KCNQ2: variants seen among roughly 807,000 people sequenced by gnomAD.
KCNQ2 encodes potassium voltage-gated channel subfamily KQT member 2.
Under a neutral mutation model 84.8 loss-of-function variants are expected in KCNQ2, and 14 were observed. The observed-to-expected ratio is 0.17, with a 90% CI of 0.11 to 0.26. The LOEUF (loss-of-function observed/expected upper bound fraction) is 0.26. Among genes scored for constraint, KCNQ2 ranks in the 10% least tolerant of loss-of-function variants. KCNQ2 has a pLI of 1.00. For missense variants in KCNQ2, 788 were observed against 1,254.0 expected, an observed-to-expected ratio of 0.63 and a Z score of 5.61; for synonymous variants, 599 against 554.1, an observed-to-expected ratio of 1.08 and a Z score of -1.14.
At chr20:63,458,824 G>A (rs569627503) in intron 1 of KCNQ2, among the ~76,000 whole-genome samples, 8 of 152,358 alleles carry the variant, frequency 5.3e-5, no homozygotes, top group Admixed American at 2.6e-4. Context: ...ACACTCAGGC[G>A]TCACTGCACC....
At chr20:63,462,159 C>A (rs1600852760) in intron 1 of KCNQ2, among the ~76,000 whole-genome samples, 1 of 133,040 alleles carries the variant, frequency 7.5e-6, no homozygotes, top group African/African-American at 2.9e-5. Context: ...AGGGAGGAGG[C>A]TGCACCTACC....
In KCNQ2 at chr20:63,414,821, C is replaced by A; in HGVS notation, c.1525+82G>T. The A allele has an allele frequency of 7.2e-7, 1 of 1,385,998 alleles. No homozygotes were observed. Among genetic ancestry groups the A allele is most frequent in the Non-Finnish European group, 1.0e-6 (1 of 977,710 alleles). The allele number at this position is 1,385,998 out of a possible 1,614,324, so 85.9% of individuals were successfully genotyped here. On this transcript the variant is annotated intron_variant, in intron 13 of 16. Transcript: ENST00000359125. This position sits in a 1 kb window ranked among gnomAD's most constrained non-coding sequence, Gnocchi z 6.6. ...CAAGAGCAAGCAAAAGCAGCTGCGACGCCACAGGGTGGCCACAGTAGCGTG... is the reference window on the plus strand; with the variant it reads ...CAAGAGCAAGCAAAAGCAGCTGCGAAGCCACAGGGTGGCCACAGTAGCGTG...
At chr20:63,436,164 C>T (rs369099646) in intron 7 of KCNQ2, among the ~76,000 whole-genome samples, 46 of 152,250 alleles carry the variant, frequency 3.0e-4, no homozygotes, top group South Asian at 1.2e-3. Flanking sequence ...CCAACAGAAT[C>T]GCATGCTGCA....
At chr20:63,465,730 GA>G (rs1232985757) in intron 1 of KCNQ2, among the ~76,000 whole-genome samples, 1 of 152,188 alleles carries the variant, frequency 6.6e-6, no homozygotes, top group Non-Finnish European at 1.5e-5. Flanking sequence ...TTCCTCCTCT[GA>G]GGATGTCCAG....
intron 1 of KCNQ2, among the ~76,000 whole-genome samples, chr20:63,462,987 G>A (rs1457468185): frequency 2.0e-5 from 3 of 152,136 alleles, no homozygotes; most frequent in African/African-American, 4.8e-5. Context: ...ATGGGGCAGC[G>A]CAGAGGGGGC....
intron 5 of KCNQ2, 183 bp from the exon 6 acceptor site, chr20:63,439,891 T>C: frequency 1.5e-6 from 1 of 655,426 alleles, no homozygotes; most frequent in Admixed American, 2.1e-5. Flanking sequence ...CCCTGAGCCC[T>C]CTCTCCTCTT....
intron 4 of KCNQ2, 84 bp downstream of exon 4, chr20:63,444,575 C>A (rs962546468): frequency 7.2e-6 from 9 of 1,252,564 alleles, no homozygotes; most frequent in African/African-American, 1.5e-5. Flanking sequence ...TTGAAGCAAA[C>A]CCCAGGCAGG....
chr20:63,453,493 G>C (rs2081677124), intron 1 of KCNQ2, among the ~76,000 whole-genome samples: 1 of 152,246 alleles, frequency 6.6e-6, no homozygotes, highest in Admixed American at 6.5e-5. Context: ...GCGATCCTCT[G>C]TCTGCCTAAC....
intron 12 of KCNQ2, among the ~76,000 whole-genome samples, chr20:63,416,594 C>A (rs7271899): frequency 0.15 from 23,466 of 152,162 alleles, 2,114 homozygotes; most frequent in African/African-American, 0.23. Flanking sequence ...CTGAAACAAG[C>A]CTTCGGGTGG....
chr20:63,438,673 C>T lies in KCNQ2; in HGVS notation c.975G>A (p.Arg325=). 1 of 1,613,788 alleles carries T rather than the reference C, an allele frequency of 6.2e-7. No individual in the cohort carries two copies. Among genetic ancestry groups the T allele is most frequent in the Non-Finnish European group, 8.5e-7 (1 of 1,180,008 alleles). The change falls in exon 7 of 17, where the codon AGG becomes AGA. Residue 325 remains arginine, a synonymous_variant. Transcript: ENST00000359125. The surrounding 1 kb of genome is among the most constrained non-coding windows in gnomAD (Gnocchi z 5.1). ...TCCGCCTCTTCTCAAAGTGCTTCTG[C>T]CTGTGCTGCTCCTGAACCTTCAGGG... The part of the protein sequence containing the change: ...GFALKVQEQH[R]QKHFEKRRNP...
chr20:63,462,691 G>A lies in KCNQ2; in HGVS notation c.296+9477C>T, dbSNP rs150524674. 2.3e-3 allele frequency among the ~76,000 whole-genome samples: 357 copies of A among 152,360 alleles called. 2 individuals are homozygous for A. The highest frequency in any genetic ancestry group is 8.2e-3 in the African/African-American group (343 of 41,582). The stretch of plus-strand genomic sequence containing the variant: ...TTCATCCTGCCGACCTGCACCTTGC[G>A]TGAAGATGTGCATGGAGCCCCACGC... On this transcript the variant is annotated intron_variant, in intron 1 of 16. Transcript: ENST00000359125.
intron 1 of KCNQ2, among the ~76,000 whole-genome samples, chr20:63,461,702 G>A (rs1182785618): frequency 2.0e-5 from 3 of 151,196 alleles, no homozygotes; most frequent in Non-Finnish European, 4.4e-5. Flanking sequence ...CAGGGAGGAG[G>A]AGGCTGTACC....
intron 4 of KCNQ2, among the ~76,000 whole-genome samples, chr20:63,442,800 CCACCATTACCACCACCAT>C (rs2081229891): frequency 1.4e-5 from 1 of 73,768 alleles, no homozygotes; most frequent in Non-Finnish European, 2.8e-5. Flanking sequence ...ACCATTACCA[CCACCATTACCACCACCAT>C]CACCATCACC....
intron 4 of KCNQ2, 151 bp from the exon 5 acceptor site, chr20:63,442,682 A>G: frequency 1.7e-6 from 1 of 578,144 alleles, no homozygotes; most frequent in South Asian, 1.8e-5. Context: ...CACCACCACC[A>G]CCATCACCAT....
At chr20:63,433,577 G>A (rs1336231813) in intron 8 of KCNQ2, 3 of 787,108 alleles carry the variant, frequency 3.8e-6, no homozygotes, top group Non-Finnish European at 6.0e-6. Context: ...CCCACGGCCA[G>A]GACGATAAAG....
intron 1 of KCNQ2, among the ~76,000 whole-genome samples, chr20:63,455,425 G>A (rs914539786): frequency 1.3e-5 from 2 of 152,116 alleles, no homozygotes; most frequent in African/African-American, 4.8e-5. Flanking sequence ...GGGGCTCACC[G>A]CACGTCCCTG....
At chr20:63,453,409 G>A (rs1328506504) in intron 1 of KCNQ2, among the ~76,000 whole-genome samples, 1 of 152,256 alleles carries the variant, frequency 6.6e-6, no homozygotes, top group African/African-American at 2.4e-5. Context: ...TTAATTTCCT[G>A]TGCTCGTTGG....
intron 1 of KCNQ2, among the ~76,000 whole-genome samples, chr20:63,464,454 T>G (rs2082033276): frequency 6.6e-6 from 1 of 151,984 alleles, no homozygotes; most frequent in African/African-American, 2.4e-5. Flanking sequence ...AGAGCTCCCG[T>G]CGCCCCGTCC....
rs368778308 is a variant in KCNQ2, at chr20:63,420,589, C to T, written c.1248-917G>A. Among the ~76,000 whole-genome samples, 111 of 152,230 alleles carry T rather than the reference C, an allele frequency of 7.3e-4. 3 individuals are homozygous for T. In the East Asian group the frequency reaches 0.021, roughly 28 times the overall value. On this transcript the variant is annotated intron_variant, in intron 11 of 16. Coordinates refer to ENST00000359125, the MANE Select transcript of KCNQ2 (RefSeq NM_172107.4). Reference sequence around the variant, plus strand: ...TCTAGGAAGAAAGCACCCAGCCTCCCGTCTTCCTGCGCACACGTGTGTTTA... The same window carrying T: ...TCTAGGAAGAAAGCACCCAGCCTCCTGTCTTCCTGCGCACACGTGTGTTTA...
Sources: gnomAD v4.1 joint callset for allele counts (sites outside exome capture counted in the v4.1 genomes callset) on GRCh38, gnomAD v4.1.1 for gene constraint, Gnocchi (gnomAD v3.1) non-coding constraint, MANE v1.5 for transcripts, NCBI Gene and HGNC (gene_info 2026-07-23, HGNC 2026-07-21) for gene names.